ACTR3C: variants seen among roughly 807,000 people sequenced by gnomAD.
ACTR3C encodes actin related protein 3C.
A neutral mutation model predicts 26.3 loss-of-function variants in ACTR3C; 18 were observed. The observed-to-expected ratio is 0.68, with a 90% CI of 0.47 to 1.01. The LOEUF (loss-of-function observed/expected upper bound fraction) is 1.01. Ranked by LOEUF, ACTR3C falls within the 50% of genes least tolerant of loss-of-function variation. ACTR3C has a pLI of 0.00. For synonymous variants in ACTR3C, 55 were observed against 94.5 expected (o/e 0.58, Z 2.42); for missense variants, 184 against 250.7 (o/e 0.73, Z 1.80).
the ACTR3C span, among the ~76,000 whole-genome samples, chr7:149,949,174 A>G: frequency 6.3e-5 from 9 of 142,738 alleles, no homozygotes; most frequent in African/African-American, 1.8e-4. Context: ...ATATATAGGT[A>G]TGTGTTTGTG....
chr7:150,169,703 A>G, the ACTR3C span, among the ~76,000 whole-genome samples: 1 of 150,974 alleles, frequency 6.6e-6, no homozygotes, highest in Non-Finnish European at 1.5e-5. Flanking sequence ...CAATTAAGTC[A>G]TTGAATCATA....
chr7:150,198,351 A>G, the ACTR3C span, among the ~76,000 whole-genome samples: 1 of 144,940 alleles, frequency 6.9e-6, no homozygotes, highest in Admixed American at 6.8e-5. Flanking sequence ...CCCAGTCTGG[A>G]AAGTGAGGAG....
the ACTR3C span, among the ~76,000 whole-genome samples, chr7:149,992,880 C>T: frequency 6.6e-6 from 1 of 152,196 alleles, no homozygotes; most frequent in Non-Finnish European, 1.5e-5. Context: ...CCAAAAGCCT[C>T]AAAACCAGGG....
the ACTR3C span, among the ~76,000 whole-genome samples, chr7:149,938,083 G>C: frequency 6.6e-6 from 1 of 152,204 alleles, no homozygotes; most frequent in Non-Finnish European, 1.5e-5. Flanking sequence ...CCCTGGGCAA[G>C]AGGTTGAGGG....
At chr7:150,171,853 C>T in the ACTR3C span, among the ~76,000 whole-genome samples, 2 of 150,564 alleles carry the variant, frequency 1.3e-5, no homozygotes, top group Admixed American at 1.3e-4. Flanking sequence ...CACTCTGTTG[C>T]CAGGCTGCAG....
the ACTR3C span, among the ~76,000 whole-genome samples, chr7:150,151,125 A>G: frequency 8.6e-6 from 1 of 116,814 alleles, no homozygotes; most frequent in Non-Finnish European, 1.8e-5. Context: ...TTGAGATAAT[A>G]ATTATTTATC....
the ACTR3C span, among the ~76,000 whole-genome samples, chr7:150,172,305 C>G: frequency 4.0e-5 from 6 of 150,450 alleles, no homozygotes; most frequent in Non-Finnish European, 7.4e-5. Context: ...CTGGGGAGGC[C>G]TCAGAATCAT....
chr7:150,145,269 A>G, the ACTR3C span, among the ~76,000 whole-genome samples: 27 of 152,120 alleles, frequency 1.8e-4, no homozygotes, highest in African/African-American at 6.3e-4. Context: ...GAAGACCTGA[A>G]GGGCTCCCCT....
At chr7:149,929,564 G>A in the ACTR3C span, among the ~76,000 whole-genome samples, 2 of 121,862 alleles carry the variant, frequency 1.6e-5, no homozygotes, top group Non-Finnish European at 1.6e-5. Flanking sequence ...ACGGAGTCTC[G>A]CTCTGTCACC....
At chr7:150,004,836 A>G in the ACTR3C span, 2 of 152,300 alleles carry the variant, frequency 1.3e-5, no homozygotes, top group African/African-American at 4.8e-5. Context: ...TGTAACGGCC[A>G]TAACAGGTAA....
intron 1 of ACTR3C, among the ~76,000 whole-genome samples, chr7:150,308,990 C>T (rs1796050129): frequency 6.6e-6 from 1 of 152,114 alleles, no homozygotes; most frequent in African/African-American, 2.4e-5. Flanking sequence ...AAATGTCATC[C>T]TGACCTCTCC....
intron 6 of ACTR3C, among the ~76,000 whole-genome samples, chr7:150,279,238 G>A (rs1351685513): frequency 5.3e-5 from 8 of 152,194 alleles, no homozygotes; most frequent in Admixed American, 3.9e-4. Context: ...CCAGGAGGTC[G>A]AGGCTGCAGT....
chr7:150,299,602 A>G (rs1318403874), intron 1 of ACTR3C, among the ~76,000 whole-genome samples: 2 of 151,720 alleles, frequency 1.3e-5, no homozygotes, highest in African/African-American at 4.8e-5. Flanking sequence ...CCTGGCCAAC[A>G]TGGGGAAACC....
chr7:150,233,588 T>A, the ACTR3C span, among the ~76,000 whole-genome samples: 39 of 152,036 alleles, frequency 2.6e-4, no homozygotes, highest in African/African-American at 8.5e-4. Context: ...TTACTCATTC[T>A]TTCCTCAAAC....
At chr7:150,091,064 A>C in the ACTR3C span, among the ~76,000 whole-genome samples, 1 of 150,992 alleles carries the variant, frequency 6.6e-6, no homozygotes. Context: ...TGGCAGGGAC[A>C]CAAGAGTGGA....
chr7:149,928,411 G>A, the ACTR3C span, among the ~76,000 whole-genome samples: 3 of 148,242 alleles, frequency 2.0e-5, no homozygotes, highest in Non-Finnish European at 4.5e-5. Flanking sequence ...TAGTAGAGAC[G>A]GGGTTTCACT....
chr7:150,300,504 C>G (rs1184002178), intron 1 of ACTR3C, among the ~76,000 whole-genome samples: 1 of 152,084 alleles, frequency 6.6e-6, no homozygotes, highest in East Asian at 1.9e-4. Flanking sequence ...GGGGGGCACG[C>G]TCTCTAGAAA....
At chr7:150,039,940 G>A in the ACTR3C span, among the ~76,000 whole-genome samples, 1 of 138,526 alleles carries the variant, frequency 7.2e-6, no homozygotes, top group African/African-American at 2.6e-5. Context: ...AGAGCCAGGG[G>A]AGGAAAGGGG....
At chr7:150,247,097 C>T (rs1245093206), downstream of ACTR3C, 1 of 152,174 alleles carries the variant, frequency 6.6e-6, no homozygotes, top group Non-Finnish European at 1.5e-5. Flanking sequence ...CACCCTGCAA[C>T]TTTGGCATTG....
Sources: gnomAD v4.1 joint callset for allele counts (sites outside exome capture counted in the v4.1 genomes callset) on GRCh38, gnomAD v4.1.1 for gene constraint, MANE v1.5 for transcripts, NCBI Gene and HGNC (gene_info 2026-07-23, HGNC 2026-07-21) for gene names.